The following ASB11 variants were observed in gnomAD, a reference collection of about 807,000 sequenced individuals.
ASB11 encodes the protein ankyrin repeat and SOCS box protein 11.
In ASB11, 17 loss-of-function variants were observed where a neutral mutation model predicts 20.1. That is an observed-to-expected ratio of 0.85 (90% CI 0.58 to 1.27). The LOEUF (loss-of-function observed/expected upper bound fraction) is 1.27. Ranked by LOEUF, ASB11 falls within the 50% of genes most tolerant of loss-of-function variation. The pLI is 0.00. For missense variants in ASB11, 259 were observed against 256.9 expected (o/e 1.01, Z -0.06); for synonymous variants, 107 against 105.6 (o/e 1.01, Z -0.08).
intron 1 of ASB11, among the ~76,000 whole-genome samples, chrX:15,312,437 C>CAA (rs1381909322): frequency 3.6e-5 from 1 of 28,066 alleles, no homozygotes; most frequent in African/African-American, 1.4e-4. Context: ...AAAAAAAAAA[C>CAA]AACTTTCCAA....
chrX:15,306,545 A>C (rs1271033999), intron 1 of ASB11, among the ~76,000 whole-genome samples: 1 of 110,343 alleles, frequency 9.1e-6, no homozygotes, highest in Non-Finnish European at 1.9e-5. Flanking sequence ...TCTACTAAAA[A>C]TATAAAAATT....
chrX:15,293,501 A>G (rs1431850041), intron 3 of ASB11, among the ~76,000 whole-genome samples, 181 bp from the exon 4 acceptor site: 3 of 112,289 alleles, frequency 2.7e-5, no homozygotes, highest in African/African-American at 6.5e-5. Context: ...GCGAGTTACT[A>G]TATGTAAACA....
intron 2 of ASB11, 115 bp from the exon 3 acceptor site, chrX:15,297,796 G>T: frequency 1.5e-6 from 1 of 652,160 alleles, no homozygotes; most frequent in Non-Finnish European, 2.4e-6. Context: ...TCAGCATCCT[G>T]AGTAGCTGGG....
chrX:15,306,703 AAAC>A (rs767262827), intron 1 of ASB11, among the ~76,000 whole-genome samples: 1,294 of 109,580 alleles, frequency 0.012, 30 homozygotes, highest in African/African-American at 0.04. Flanking sequence ...ACTTTGTCTC[AAAC>A]AACAACAACA....
chrX:15,285,168 A>G (rs1405775423), intron 6 of ASB11, among the ~76,000 whole-genome samples: 1 of 98,096 alleles, frequency 1.0e-5, no homozygotes, highest in African/African-American at 3.8e-5. Context: ...TTTTGACAGA[A>G]TCTCACTCGG....
chrX:15,300,154 G>A (rs1921021003), intron 2 of ASB11, among the ~76,000 whole-genome samples: 1 of 112,580 alleles, frequency 8.9e-6, no homozygotes, highest in South Asian at 3.6e-4. Context: ...GCAGAAGTGT[G>A]CTAGAAAAAA....
chrX:15,310,018 G>GGAAAC (rs1921380451), intron 1 of ASB11, among the ~76,000 whole-genome samples: 1 of 99,641 alleles, frequency 1.0e-5, no homozygotes, highest in Non-Finnish European at 2.0e-5. Context: ...TTTCCCAACT[G>GGAAAC]GAAACGAAGT....
chrX:15,310,615 T>TA (rs1921400836), intron 1 of ASB11, among the ~76,000 whole-genome samples: 2 of 112,633 alleles, frequency 1.8e-5, no homozygotes, highest in South Asian at 7.3e-4. Context: ...CCATTTGAGA[T>TA]AAAAAACGAT....
At position 15,282,953 on chromosome X, in the gene ASB11, CAT is replaced by C. The variant is rs1491381205; in HGVS notation, c.*550_*551del. The stretch of plus-strand genomic sequence containing the variant: ...TTTGAAAACATTAAATATATGAGTG[CAT>C]GTGTGTGTGTGTATATATATACGTA... On this transcript the variant is annotated 3_prime_UTR_variant, in exon 7 of 7. Coordinates refer to ENST00000480796, the MANE Select transcript of ASB11 (RefSeq NM_080873.3). 3 of 101,210 alleles carry C rather than the reference CAT, an allele frequency of 3.0e-5. No individual in the cohort carries two copies. Among genetic ancestry groups the C allele is most frequent in the Non-Finnish European group, 3.9e-5 (2 of 50,797 alleles). The allele number at this position is 101,210 out of a possible 1,213,427, so 8.3% of individuals were successfully genotyped here. A position where few individuals can be genotyped will look rare whatever the true frequency, so the allele number is the denominator to read the frequency against.
chrX:15,284,057 C>A (rs771506712), intron 6 of ASB11, among the ~76,000 whole-genome samples: 1 of 107,455 alleles, frequency 9.3e-6, no homozygotes, highest in Non-Finnish European at 1.9e-5. Context: ...TGGAGACCAT[C>A]CTGGCTAACA....
At chrX:15,297,491 A>G (rs1397567775) in intron 3 of ASB11, 83 bp downstream of exon 3, 12 of 827,886 alleles carry the variant, frequency 1.4e-5, no homozygotes, top group African/African-American at 4.3e-5. Context: ...ACAGTGGGTA[A>G]GCCATCTGGA....
intron 1 of ASB11, among the ~76,000 whole-genome samples, chrX:15,307,687 C>T (rs1921289928): frequency 9.0e-6 from 1 of 111,473 alleles, no homozygotes; most frequent in African/African-American, 3.3e-5. Flanking sequence ...GGGAAACTTG[C>T]CTTGGGTGTT....
At chrX:15,290,175 T>C (rs1927497221) in intron 4 of ASB11, among the ~76,000 whole-genome samples, 1 of 111,474 alleles carries the variant, frequency 9.0e-6, no homozygotes, top group South Asian at 3.7e-4. Context: ...CCACTCCAGC[T>C]CCTCTTTACA....
intron 1 of ASB11, among the ~76,000 whole-genome samples, chrX:15,311,597 C>T (rs1238046184): frequency 8.9e-6 from 1 of 111,964 alleles, no homozygotes; most frequent in East Asian, 2.8e-4. Flanking sequence ...AGTCCATCAA[C>T]AAGTGATTTT....
chrX:15,307,127 GT>G (rs1187129995), intron 1 of ASB11, among the ~76,000 whole-genome samples: 2 of 112,775 alleles, frequency 1.8e-5, no homozygotes, highest in Admixed American at 9.3e-5. Flanking sequence ...CAACACGAAT[GT>G]TTTCATTATT....
chrX:15,293,781 G>A (rs1927593641), intron 3 of ASB11, among the ~76,000 whole-genome samples: 2 of 108,598 alleles, frequency 1.8e-5, no homozygotes, highest in Admixed American at 2.0e-4. Context: ...CCAAGCCAAA[G>A]GGACATAGAA....
intron 1 of ASB11, among the ~76,000 whole-genome samples, chrX:15,305,071 T>C (rs1295167573): frequency 9.0e-6 from 1 of 111,667 alleles, no homozygotes; most frequent in African/African-American, 3.3e-5. Context: ...AGAATCAGCT[T>C]CAACTCATCT....
intron 3 of ASB11, among the ~76,000 whole-genome samples, chrX:15,294,958 T>C (rs990631844): frequency 2.0e-4 from 22 of 112,443 alleles, no homozygotes; most frequent in African/African-American, 6.8e-4. Flanking sequence ...GATAAGACAA[T>C]TGCCTCTCCT....
intron 6 of ASB11, among the ~76,000 whole-genome samples, chrX:15,285,741 C>T (rs775594547): frequency 2.0e-3 from 225 of 110,584 alleles, no homozygotes; most frequent in African/African-American, 6.7e-3. Context: ...CGGTGGCTCA[C>T]GCCTGAAATC....
Sources: allele counts gnomAD v4.1 joint callset (sites outside exome capture counted in the v4.1 genomes callset), GRCh38; gene constraint gnomAD v4.1.1; transcripts MANE v1.5; gene names NCBI Gene and HGNC (gene_info 2026-07-23, HGNC 2026-07-21).